ARHGAP21: variants seen among roughly 807,000 people sequenced by gnomAD.
ARHGAP21 encodes rho GTPase-activating protein 21.
ARHGAP21 carries 38 observed loss-of-function variants against 164.6 expected under a neutral mutation model. The observed-to-expected ratio is 0.23, with a 90% CI of 0.18 to 0.30. The LOEUF (loss-of-function observed/expected upper bound fraction) is 0.30, where lower values mean the gene tolerates loss of function less well. ARHGAP21 is among the 10% of genes least tolerant of loss of function. The pLI, the probability that ARHGAP21 is intolerant of heterozygous loss-of-function variation, is 1.00. For missense variants in ARHGAP21, 1,822 were observed against 2,370.7 expected (o/e 0.77, Z 4.81); for synonymous variants, 766 against 857.9 (o/e 0.89, Z 1.87).
chr10:24,695,898 C>T (rs191195660), intron 2 of ARHGAP21, among the ~76,000 whole-genome samples: 34 of 152,338 alleles, frequency 2.2e-4, no homozygotes, highest in Non-Finnish European at 4.6e-4. Flanking sequence ...GCGGTTCTGG[C>T]TGATGCCATG....
chr10:24,638,236 TAG>T (rs142848562), intron 4 of ARHGAP21, among the ~76,000 whole-genome samples: 7 of 152,094 alleles, frequency 4.6e-5, no homozygotes, highest in Admixed American at 2.6e-4. Flanking sequence ...CAATTCCTCC[TAG>T]AGAGAGAAAA....
intron 2 of ARHGAP21, among the ~76,000 whole-genome samples, chr10:24,676,381 T>A (rs1841248523): frequency 6.6e-6 from 1 of 152,228 alleles, no homozygotes; most frequent in African/African-American, 2.4e-5. Context: ...GGCATAGGAA[T>A]GTGATTCTCT....
At chr10:24,590,785 C>T in intron 24 of ARHGAP21, 1 of 985,250 alleles carries the variant, frequency 1.0e-6, no homozygotes, top group East Asian at 1.1e-4. Flanking sequence ...ACCAGTTCAA[C>T]AGATTTAACT....
At chr10:24,656,260 G>A (rs1838893111) in intron 4 of ARHGAP21, among the ~76,000 whole-genome samples, 1 of 125,206 alleles carries the variant, frequency 8.0e-6, no homozygotes, top group South Asian at 2.8e-4. Flanking sequence ...CGGGAGGTGA[G>A]AGGCACCTCT....
chr10:24,621,141 G>C lies in ARHGAP21; in HGVS notation c.754C>G (p.Pro252Ala). 1.9e-6 allele frequency: 3 copies of C among 1,613,544 alleles called. No homozygotes were observed. Among genetic ancestry groups the C allele is most frequent in the Non-Finnish European group, 2.5e-6 (3 of 1,179,546 alleles). Residue 252 changes from proline (P) to alanine (A), a missense_variant, in exon 9 of 26, where the codon CCA becomes GCA. Pro to Ala is a conservative substitution (Grantham distance 27). Coordinates refer to ENST00000396432, the MANE Select transcript of ARHGAP21 (RefSeq NM_020824.4). ...RAYRMEIQVP[P>A]SPTDVAKSNT... The stretch of plus-strand genomic sequence containing the variant: ...GATTTTGCAACATCTGTTGGTGATG[G>C]AGGCACTTGTATTTCCATTCTATAG...
intron 12 of ARHGAP21, 92 bp from the exon 13 acceptor site, chr10:24,602,195 A>G (rs2076841115): frequency 1.1e-5 from 16 of 1,441,252 alleles, no homozygotes; most frequent in Non-Finnish European, 1.5e-5. Context: ...ACTTTATTTA[A>G]TGTTTCAAGT....
At chr10:24,597,799 G>A in intron 15 of ARHGAP21, 146 bp downstream of exon 15, 2 of 1,074,938 alleles carry the variant, frequency 1.9e-6, no homozygotes, top group Non-Finnish European at 2.7e-6. Flanking sequence ...ATTACTATAT[G>A]GGAAAAAATA....
chr10:24,654,360 T>C (rs185617696), intron 4 of ARHGAP21, among the ~76,000 whole-genome samples: 14 of 151,160 alleles, frequency 9.3e-5, no homozygotes, highest in Admixed American at 2.6e-4. Flanking sequence ...GATGACATGA[T>C]TGTATATTTA....
intron 24 of ARHGAP21, chr10:24,590,827 A>G (rs2076294020): frequency 3.0e-6 from 3 of 984,616 alleles, no homozygotes; most frequent in Admixed American, 1.2e-4. Context: ...CTGGCTCAAG[A>G]ATAAGAACTA....
chr10:24,665,444 G>A (rs1565126869), intron 4 of ARHGAP21, among the ~76,000 whole-genome samples: 1 of 152,150 alleles, frequency 6.6e-6, no homozygotes, highest in Middle Eastern at 3.4e-3. Context: ...AAAAACAGTA[G>A]TACTATCAGT....
At chr10:24,721,811 G>T (rs1845971255) in intron 2 of ARHGAP21, 26 bp downstream of exon 2, 2 of 1,613,352 alleles carry the variant, frequency 1.2e-6, no homozygotes, top group Non-Finnish European at 1.7e-6. Flanking sequence ...CGCCCTGCCG[G>T]CCAGGAACGC....
chr10:24,689,629 T>C (rs1482817014), intron 2 of ARHGAP21, among the ~76,000 whole-genome samples: 1 of 151,922 alleles, frequency 6.6e-6, no homozygotes, highest in African/African-American at 2.4e-5. Context: ...TAGTCTCAGC[T>C]ACCCGGGAGG....
At chr10:24,704,837 C>T (rs763111454) in intron 2 of ARHGAP21, among the ~76,000 whole-genome samples, 7 of 152,094 alleles carry the variant, frequency 4.6e-5, no homozygotes, top group Admixed American at 2.6e-4. Flanking sequence ...AACTCCTGGG[C>T]TCAAGTGATC....
At chr10:24,649,080 G>A (rs932374893) in intron 4 of ARHGAP21, among the ~76,000 whole-genome samples, 1 of 152,186 alleles carries the variant, frequency 6.6e-6, no homozygotes, top group African/African-American at 2.4e-5. Context: ...CAGTTTACAT[G>A]AGGAAATATT....
rs1206110365 is a variant in ARHGAP21 at position 24,591,974 on chromosome 10, G to T, written c.3915C>A (p.Thr1305=). 2.5e-6 allele frequency: 4 copies of T among 1,613,334 alleles called. No homozygotes were observed. The highest frequency in any genetic ancestry group is 4.5e-5 in the East Asian group (2 of 44,862). Residue 1305 remains threonine (T), a synonymous_variant, in exon 22 of 26, where the codon ACC becomes ACA. Transcript: ENST00000396432. Reference sequence around the variant, plus strand: ...TGTTGTCTTCTGATGTTCGAACAAGGGTGGGACCAAACACTATTGCTAGGT... The same window carrying T: ...TGTTGTCTTCTGATGTTCGAACAAGTGTGGGACCAAACACTATTGCTAGGT... ...PRNLAIVFGP[T]LVRTSEDNMT...
At position 24,593,027 on chromosome 10, in the gene ARHGAP21, A is replaced by G. The variant is rs553279592; in HGVS notation, c.3877-1015T>C. ...CATTAAATCTTATAGTATCTGATAT[A>G]TTTTGAATTCAGTATTTGATTAAAA... On this transcript the variant is annotated intron_variant, in intron 21 of 25. Transcript: ENST00000396432. Among the ~76,000 whole-genome samples the G allele has an allele frequency of 3.9e-5, 6 of 152,260 alleles. No homozygotes were observed. In the South Asian group the frequency reaches 1.2e-3, roughly 32 times the overall value.
chr10:24,609,868 A>C (rs1020886891), intron 9 of ARHGAP21, among the ~76,000 whole-genome samples: 10 of 152,254 alleles, frequency 6.6e-5, no homozygotes, highest in African/African-American at 2.2e-4. Flanking sequence ...ATATATTCAA[A>C]AGCATCATGC....
At chr10:24,654,507 C>A (rs1198085063) in intron 4 of ARHGAP21, among the ~76,000 whole-genome samples, 2 of 152,182 alleles carry the variant, frequency 1.3e-5, no homozygotes, top group Non-Finnish European at 2.9e-5. Flanking sequence ...CATGAGTGAA[C>A]TCCCATTCAC....
At chr10:24,601,055 A>G (rs1178075739) in intron 13 of ARHGAP21, 125 bp from the exon 14 acceptor site, 9 of 1,082,046 alleles carry the variant, frequency 8.3e-6, no homozygotes, top group Non-Finnish European at 1.1e-5. Flanking sequence ...TGGCAGATTT[A>G]GCTCACTACA....
Sources: gnomAD v4.1 joint callset for allele counts (sites outside exome capture counted in the v4.1 genomes callset) on GRCh38, gnomAD v4.1.1 for gene constraint, MANE v1.5 for transcripts, NCBI Gene and HGNC (gene_info 2026-07-23, HGNC 2026-07-21) for gene names.